Variants in EVL observed in about 807,000 individuals in gnomAD.
EVL encodes the protein ena/VASP-like protein.
Under a neutral mutation model 59.6 loss-of-function variants are expected in EVL, and 21 were observed. That is an observed-to-expected ratio of 0.35 (90% CI 0.25 to 0.51). EVL has a LOEUF of 0.51. Among genes scored for constraint, EVL ranks in the 20% least tolerant of loss-of-function variants. The pLI is 0.97. For synonymous variants in EVL, 198 were observed against 203.5 expected (o/e 0.97, Z 0.23); for missense variants, 462 against 546.6 (o/e 0.85, Z 1.54).
At chr14:100,015,246 C>A (rs922946404) in intron 1 of EVL, among the ~76,000 whole-genome samples, 3 of 152,210 alleles carry the variant, frequency 2.0e-5, no homozygotes, top group Non-Finnish European at 2.9e-5. Flanking sequence ...AATTCCTTTT[C>A]TTGGACAGTT....
intron 1 of EVL, among the ~76,000 whole-genome samples, chr14:100,079,130 C>CT (rs1276151895): frequency 6.6e-6 from 1 of 152,220 alleles, no homozygotes; most frequent in Admixed American, 6.5e-5. Flanking sequence ...TGAGATGCAC[C>CT]TTTAGAGGCA....
chr14:99,978,109 A>AGGCATGG (rs2060782354), intron 1 of EVL: 3 of 150,792 alleles, frequency 2.0e-5, no homozygotes, highest in East Asian at 2.0e-4. Context: ...AAAAAAAAAA[A>AGGCATGG]AAAAGTCAGC....
chr14:100,006,136 T>C (rs1305046122), intron 1 of EVL, among the ~76,000 whole-genome samples: 2 of 151,612 alleles, frequency 1.3e-5, no homozygotes, highest in Admixed American at 6.6e-5. Flanking sequence ...CGGATAGAGT[T>C]GATGAAACCC....
intron 1 of EVL, among the ~76,000 whole-genome samples, chr14:100,029,168 A>G (rs1402691413): frequency 6.6e-6 from 1 of 152,256 alleles, no homozygotes; most frequent in Non-Finnish European, 1.5e-5. Context: ...GTGTAATAGT[A>G]GTTGCTTATG....
At chr14:100,075,609 T>A (rs1399883045) in intron 1 of EVL, among the ~76,000 whole-genome samples, 1 of 152,160 alleles carries the variant, frequency 6.6e-6, no homozygotes, top group Admixed American at 6.5e-5. Context: ...GGACGATGGC[T>A]CACTGAGGAA....
intron 11 of EVL, 68 bp downstream of exon 11, chr14:100,137,870 C>A (rs1888910203): frequency 6.8e-7 from 1 of 1,471,220 alleles, no homozygotes; most frequent in Non-Finnish European, 9.5e-7. Flanking sequence ...CGTCCCGTGA[C>A]TAACACCCTT....
intron 1 of EVL, among the ~76,000 whole-genome samples, chr14:100,049,088 A>G (rs1011651609): frequency 4.6e-5 from 7 of 152,228 alleles, no homozygotes; most frequent in African/African-American, 1.4e-4. Context: ...CCAAGCAAAA[A>G]GGTCTGAGAA....
At position 100,143,841 on chromosome 14, in the gene EVL, A is replaced by C; in HGVS notation, c.*103A>C. The C allele has an allele frequency of 7.1e-7, 1 of 1,401,496 alleles. No homozygotes were observed. The highest frequency in any genetic ancestry group is 9.8e-7 in the Non-Finnish European group (1 of 1,015,752). The allele number at this position is 1,401,496 out of a possible 1,614,324, so 86.8% of individuals were successfully genotyped here. On this transcript the variant is annotated 3_prime_UTR_variant, in exon 14 of 14. Coordinates refer to ENST00000392920, the MANE Select transcript of EVL (RefSeq NM_016337.3). ...TCCAGTGCACCAGAGCACGCACAGGAGCCTGGGCGCGCTGCTGTGAAACGT... is the reference window on the plus strand; with the variant it reads ...TCCAGTGCACCAGAGCACGCACAGGCGCCTGGGCGCGCTGCTGTGAAACGT...
intron 3 of EVL, among the ~76,000 whole-genome samples, chr14:100,110,596 G>T (rs919571526): frequency 6.6e-6 from 1 of 152,120 alleles, no homozygotes; most frequent in Non-Finnish European, 1.5e-5. Context: ...TGGTTTGGAA[G>T]TTCAAATCAA....
intron 1 of EVL, among the ~76,000 whole-genome samples, chr14:100,029,338 T>C (rs992905375): frequency 6.6e-6 from 1 of 152,200 alleles, no homozygotes; most frequent in Admixed American, 6.5e-5. Context: ...AGTCAGGCAA[T>C]GGGTCATTTT....
At chr14:99,974,612 T>C (rs1232921927) in intron 1 of EVL, 2 of 152,426 alleles carry the variant, frequency 1.3e-5, no homozygotes, top group Non-Finnish European at 2.9e-5. Flanking sequence ...TGTGTAGAGA[T>C]GAGGTGTACC....
At chr14:100,047,793 G>A (rs2061578148) in intron 1 of EVL, among the ~76,000 whole-genome samples, 1 of 152,078 alleles carries the variant, frequency 6.6e-6, no homozygotes, top group South Asian at 2.1e-4. Flanking sequence ...TGGACACGTG[G>A]GTAGAAAGTC....
chr14:100,005,672 C>CCT (rs1566967017), intron 1 of EVL, among the ~76,000 whole-genome samples: 1 of 150,250 alleles, frequency 6.7e-6, no homozygotes, highest in African/African-American at 2.5e-5. Context: ...CACACACACC[C>CCT]CTTGGATGTT....
At position 100,097,499 on chromosome 14, in the gene EVL, A is replaced by G. The variant is rs1357359965; in HGVS notation, c.199A>G (p.Ile67Val). The G allele has an allele frequency of 3.1e-6, 5 of 1,608,846 alleles. No individual in the cohort carries two copies. The highest frequency in any genetic ancestry group is 1.3e-5 in the African/African-American group (1 of 74,700). ...CCTCCAGGTTGTGATCAATTATTCA[A>G]TCGTGAAAGGGCTGAAGTACAATCA... Reference protein sequence around the residue: ...QDQQVVINYSIVKGLKYNQAT... With the variant: ...QDQQVVINYSVVKGLKYNQAT... The change falls in exon 3 of 14, where the codon ATC becomes GTC. Residue 67 changes from isoleucine to valine, a missense_variant. Coordinates refer to ENST00000392920, the MANE Select transcript of EVL (RefSeq NM_016337.3).
intron 4 of EVL, among the ~76,000 whole-genome samples, chr14:100,125,122 CCACACACACACACA>C (rs57005382): frequency 9.7e-6 from 1 of 103,078 alleles, no homozygotes; most frequent in African/African-American, 4.8e-5. Context: ...CAAGGCGGGA[CCACACACACACACA>C]CACACACACA....
At position 100,108,881 on chromosome 14, in the gene EVL, G is replaced by C. The variant is rs2095879032; in HGVS notation, c.358+11223G>C. On this transcript the variant is annotated intron_variant, in intron 3 of 13. Transcript: ENST00000392920. This position sits in a 1 kb window ranked among gnomAD's most constrained non-coding sequence, Gnocchi z 4.1. ...CCACTGCATGAATCTAGTCAGGTTG[G>C]AAATTCAGAAAGTGGCCTCTTTGTC... Among the ~76,000 whole-genome samples the C allele has an allele frequency of 1.3e-5, 2 of 152,184 alleles. 1 individual carries two copies. Among genetic ancestry groups the C allele is most frequent in the Non-Finnish European group, 2.9e-5 (2 of 68,034 alleles).
At chr14:100,096,525 A>G (rs1885823508) in intron 2 of EVL, among the ~76,000 whole-genome samples, 1 of 152,190 alleles carries the variant, frequency 6.6e-6, no homozygotes, top group South Asian at 2.1e-4. Context: ...TGCCATAGCC[A>G]TATCACATTC....
intron 1 of EVL, among the ~76,000 whole-genome samples, chr14:99,979,548 C>A (rs1302436895): frequency 6.6e-6 from 1 of 151,768 alleles, no homozygotes; most frequent in Non-Finnish European, 1.5e-5. Context: ...GTTCAACCAA[C>A]CTTGGATGGA....
chr14:100,051,406 T>A (rs948605868), intron 1 of EVL, among the ~76,000 whole-genome samples: 1 of 152,314 alleles, frequency 6.6e-6, no homozygotes, highest in African/African-American at 2.4e-5. Flanking sequence ...TTGGAACATA[T>A]CCCCCCATGG....
Sources: allele counts gnomAD v4.1 joint callset (sites outside exome capture counted in the v4.1 genomes callset), GRCh38; gene constraint gnomAD v4.1.1; non-coding constraint Gnocchi (gnomAD v3.1); transcripts MANE v1.5; gene names NCBI Gene and HGNC (gene_info 2026-07-23, HGNC 2026-07-21).